ITPR2: variants seen among roughly 807,000 people sequenced by gnomAD.
ITPR2 encodes the protein inositol 1,4,5-trisphosphate-gated calcium channel ITPR2.
Under a neutral mutation model 317.1 loss-of-function variants are expected in ITPR2, and 207 were observed. That is an observed-to-expected ratio of 0.65 (90% CI 0.58 to 0.73). ITPR2 has a LOEUF of 0.73. ITPR2 is among the 30% of genes least tolerant of loss of function. The pLI is 0.00. For synonymous variants in ITPR2, 1,156 were observed against 1,149.1 expected (o/e 1.01, Z -0.12); for missense variants, 2,613 against 3,284.0 (o/e 0.80, Z 4.99).
chr12:26,351,486 TG>T (rs770360822), intron 55 of ITPR2, among the ~76,000 whole-genome samples: 2 of 152,176 alleles, frequency 1.3e-5, no homozygotes, highest in Non-Finnish European at 2.9e-5. Context: ...GGTAAAGCTT[TG>T]GCATCAGAAG....
rs139315823 is a variant in ITPR2, at chr12:26,454,636, G to C, written c.6343-10986C>G. On this transcript the variant is annotated intron_variant, in intron 45 of 56. Coordinates refer to ENST00000381340, the MANE Select transcript of ITPR2 (RefSeq NM_002223.4). ...TTTTTTTTTAAGGCAAACATCAAAA[G>C]GTGAAGAAAGTCATCTTTTTGAGAT... Among the ~76,000 whole-genome samples, 165 of 152,016 alleles carry C rather than the reference G, an allele frequency of 1.1e-3. 4 individuals are homozygous for C. In the East Asian group the frequency reaches 0.022, roughly 20 times the overall value.
chr12:26,543,612 A>G (rs1468882554), intron 37 of ITPR2, among the ~76,000 whole-genome samples: 1 of 152,102 alleles, frequency 6.6e-6, no homozygotes, highest in Non-Finnish European at 1.5e-5. Context: ...TGTTTCTACT[A>G]AAAATACAAA....
At chr12:26,745,209 T>A (rs1476138963) in intron 2 of ITPR2, among the ~76,000 whole-genome samples, 1 of 152,222 alleles carries the variant, frequency 6.6e-6, no homozygotes, top group East Asian at 1.9e-4. Flanking sequence ...GCCCTGGTGC[T>A]TCTTTCCTTT....
At chr12:26,548,569 G>A (rs1308105704) in intron 37 of ITPR2, among the ~76,000 whole-genome samples, 1 of 152,188 alleles carries the variant, frequency 6.6e-6, no homozygotes, top group Non-Finnish European at 1.5e-5. Context: ...CCATTTAATA[G>A]TTTGCTGACA....
chr12:26,772,498 T>C (rs1949879821), intron 2 of ITPR2, among the ~76,000 whole-genome samples: 2 of 120,628 alleles, frequency 1.7e-5, no homozygotes, highest in African/African-American at 2.7e-5. Flanking sequence ...ATACATATAA[T>C]ACATGTATTA....
chr12:26,450,210 G>A (rs572073492), intron 45 of ITPR2, among the ~76,000 whole-genome samples: 5 of 152,134 alleles, frequency 3.3e-5, no homozygotes, highest in South Asian at 2.1e-4. Context: ...TTCCAGAACC[G>A]TGGGACAAGA....
At chr12:26,767,819 C>T (rs1366783655) in intron 2 of ITPR2, among the ~76,000 whole-genome samples, 3 of 151,998 alleles carry the variant, frequency 2.0e-5, no homozygotes, top group Non-Finnish European at 4.4e-5. Flanking sequence ...ATAAATAATC[C>T]TGCGATAAAC....
At position 26,658,102 on chromosome 12, in the gene ITPR2, C is replaced by G. The variant is rs1947415155; in HGVS notation, c.1915G>C (p.Val639Leu). Residue 639 changes from valine to leucine, a missense_variant, in exon 17 of 57, where the codon GTG becomes CTG. Transcript: ENST00000381340. ...ACAGGGATAGCAGTGGTATTAGACA[C>G]ACACAGATCTGACAAATAATCCAAA... ...RFLDYLSDLCVSNTTAIPVTQ... is the reference protein window; with the variant it reads ...RFLDYLSDLCLSNTTAIPVTQ... 6.3e-7 allele frequency: 1 copy of G among 1,591,406 alleles called. No individual in the cohort carries two copies. Among genetic ancestry groups the G allele is most frequent in the African/African-American group, 1.3e-5 (1 of 74,086 alleles).
At position 26,550,285 on chromosome 12, in the gene ITPR2, G is replaced by T; in HGVS notation, c.5035C>A (p.Arg1679=). ...CTGTCTTTCTTCTCTAACATTTCTC[G>T]TAATGTCTGAAGAATTTTAATGCAC... ...KLCIKILQTL[R]EMLEKKDSFV... Residue 1679 remains arginine (R), a synonymous_variant, in exon 37 of 57, where the codon CGA becomes AGA. Coordinates refer to ENST00000381340, the MANE Select transcript of ITPR2 (RefSeq NM_002223.4). 2 of 1,536,700 alleles carry T rather than the reference G, an allele frequency of 1.3e-6. No individual in the cohort carries two copies. The highest frequency in any genetic ancestry group is 1.8e-6 in the Non-Finnish European group (2 of 1,119,036).
At chr12:26,636,663 TTTA>T (rs1012070228) in intron 21 of ITPR2, among the ~76,000 whole-genome samples, 7 of 152,176 alleles carry the variant, frequency 4.6e-5, no homozygotes, top group African/African-American at 1.7e-4. Context: ...TACTTAAAAA[TTTA>T]TTAAAAGGAA....
At chr12:26,764,633 A>G (rs1252951238) in intron 2 of ITPR2, among the ~76,000 whole-genome samples, 3 of 152,044 alleles carry the variant, frequency 2.0e-5, no homozygotes, top group Non-Finnish European at 4.4e-5. Flanking sequence ...AATAAACCAC[A>G]AAGAAAAGGA....
At position 26,398,766 on chromosome 12, in the gene ITPR2, T is replaced by A. The variant is rs566800462; in HGVS notation, c.7696+110A>T. The A allele has an allele frequency of 1.1e-5, 10 of 894,282 alleles. No individual in the cohort carries two copies. In the African/African-American group the frequency reaches 1.5e-4, roughly 14 times the overall value. The allele number at this position is 894,282 out of a possible 1,614,324, so 55.4% of individuals were successfully genotyped here. On this transcript the variant is annotated intron_variant, in intron 54 of 56. Transcript: ENST00000381340. Reference sequence around the variant, plus strand: ...TACATAATCTGAATTTTATCCAACCTTCATTTTGAAATAATTTTTCCGAAA... The same window carrying A: ...TACATAATCTGAATTTTATCCAACCATCATTTTGAAATAATTTTTCCGAAA...
intron 34 of ITPR2, among the ~76,000 whole-genome samples, chr12:26,563,960 G>C (rs964440866): frequency 6.6e-6 from 1 of 152,064 alleles, no homozygotes; most frequent in Non-Finnish European, 1.5e-5. Flanking sequence ...GTGAAAACAG[G>C]GATGACTCAA....
At position 26,659,123 on chromosome 12, in the gene ITPR2, G is replaced by T. The variant is rs566154914; in HGVS notation, c.1876C>A (p.Arg626=). Residue 626 remains arginine, a synonymous_variant, in exon 16 of 57, where the codon CGG becomes AGG. Coordinates refer to ENST00000381340, the MANE Select transcript of ITPR2 (RefSeq NM_002223.4). ...TGAATCATTTCAAACCTTGGCTCCC[G>T]ATTTCTCCTGAGTAAACTGACAAAT... ...ETFVSLLRRN[R]EPRFLDYLSD... 5.6e-6 allele frequency: 9 copies of T among 1,611,278 alleles called. No individual in the cohort carries two copies. Among genetic ancestry groups the T allele is most frequent in the South Asian group, 5.5e-5 (5 of 90,642 alleles).
chr12:26,566,423 G>T (rs1944987746), intron 34 of ITPR2, among the ~76,000 whole-genome samples: 1 of 138,992 alleles, frequency 7.2e-6, no homozygotes, highest in Non-Finnish European at 1.6e-5. Context: ...AGGAGAAGGA[G>T]AGGTAAGAGG....
chr12:26,761,843 A>G (rs1413375743), intron 2 of ITPR2, among the ~76,000 whole-genome samples: 5 of 152,210 alleles, frequency 3.3e-5, no homozygotes, highest in African/African-American at 1.2e-4. Context: ...ATTGACCACC[A>G]AACAAAAACC....
At chr12:26,611,319 C>T (rs1197004418) in intron 26 of ITPR2, among the ~76,000 whole-genome samples, 1 of 152,126 alleles carries the variant, frequency 6.6e-6, no homozygotes. Flanking sequence ...AATTCTGTTC[C>T]TTACATCACA....
intron 56 of ITPR2, 55 bp from the exon 57 acceptor site, chr12:26,339,538 C>A: frequency 7.2e-7 from 1 of 1,391,892 alleles, no homozygotes. Flanking sequence ...TTACCCAGTG[C>A]TGGTGGGCCA....
intron 37 of ITPR2, among the ~76,000 whole-genome samples, chr12:26,532,758 C>T (rs1248639779): frequency 6.6e-6 from 1 of 152,168 alleles, no homozygotes; most frequent in Non-Finnish European, 1.5e-5. Context: ...GCAATCTTGG[C>T]TCACTGCAAC....
Sources: gnomAD v4.1 joint callset for allele counts (sites outside exome capture counted in the v4.1 genomes callset) on GRCh38, gnomAD v4.1.1 for gene constraint, MANE v1.5 for transcripts, NCBI Gene and HGNC (gene_info 2026-07-23, HGNC 2026-07-21) for gene names.